The following ING2 variants were observed in gnomAD, a reference collection of about 807,000 sequenced individuals.
ING2 encodes inhibitor of growth protein 2.
Under a neutral mutation model 30.6 loss-of-function variants are expected in ING2, and 7 were observed. That is an observed-to-expected ratio of 0.23 (90% CI 0.13 to 0.43). The LOEUF is 0.43. Ranked by LOEUF, ING2 falls within the 20% of genes least tolerant of loss-of-function variation. ING2 has a pLI of 1.00. For synonymous variants in ING2, 136 were observed against 121.7 expected (o/e 1.12, Z -0.78); for missense variants, 239 against 334.9 (o/e 0.71, Z 2.24).
chr4:183,506,492 T>TA (rs1381301265), intron 1 of ING2, among the ~76,000 whole-genome samples: 6 of 152,150 alleles, frequency 3.9e-5, no homozygotes, highest in Admixed American at 3.9e-4. Context: ...CTTACAGTGT[T>TA]ACCACCTACT....
chr4:183,510,308 T>C lies in ING2; in HGVS notation c.199T>C (p.Tyr67His). 1 of 1,589,492 alleles carries C rather than the reference T, an allele frequency of 6.3e-7. No individual in the cohort carries two copies. The highest frequency in any genetic ancestry group is 8.5e-7 in the Non-Finnish European group (1 of 1,171,970). ...AACGTTAAAGGAAATTGATGATGTC[T>C]ACGAAAAATATAAGAAAGAAGATGA... ...QETLKEIDDV[Y>H]EKYKKEDDLN... The change falls in exon 2 of 2, where the codon TAC becomes CAC. Residue 67 changes from tyrosine (Y) to histidine (H), a missense_variant. Physicochemically the swap from Tyr to His is moderately conservative, Grantham distance 83 (BLOSUM62 2). This residue lies in a region of ING2 where 80 missense variants were observed against 102.4 expected (regional missense o/e 0.78). Coordinates refer to ENST00000302327, the MANE Select transcript of ING2 (RefSeq NM_001564.4).
chr4:183,507,666 C>T (rs1734707905), intron 1 of ING2, among the ~76,000 whole-genome samples: 1 of 152,172 alleles, frequency 6.6e-6, no homozygotes, highest in African/African-American at 2.4e-5. Context: ...GGTTACTGAG[C>T]TCAACTTTCA....
intron 1 of ING2, 139 bp downstream of exon 1, chr4:183,505,506 C>G: frequency 1.1e-6 from 1 of 870,244 alleles, no homozygotes; most frequent in Non-Finnish European, 1.7e-6. Flanking sequence ...GACTGGAGAC[C>G]GGGTTGGCGG....
At position 183,510,599 on chromosome 4, in the gene ING2, T is replaced by C; in HGVS notation, c.490T>C (p.Cys164Arg). 6.2e-7 allele frequency: 1 copy of C among 1,614,090 alleles called. No homozygotes were observed. The highest frequency in any genetic ancestry group is 8.5e-7 in the Non-Finnish European group (1 of 1,180,024). Residue 164 changes from cysteine to arginine, a missense_variant, in exon 2 of 2, where the codon TGT becomes CGT. By Grantham distance (180) the Cys-to-Arg change is radical. Around this residue, in one of 5 missense-constraint regions of ING2, gnomAD observed 115 missense variants for 120.1 expected, o/e 0.96. Transcript: ENST00000302327. ...GCGGACCAGTGAAAGCCGTGATTTA[T>C]GTCACATGGCAAATGGGATTGAAGA... Reference protein sequence around the residue: ...RQRTSESRDLCHMANGIEDCD... With the variant: ...RQRTSESRDLRHMANGIEDCD...
chr4:183,505,624 A>C (rs902993576), intron 1 of ING2, among the ~76,000 whole-genome samples: 2 of 151,944 alleles, frequency 1.3e-5, no homozygotes, highest in Non-Finnish European at 2.9e-5. Context: ...GCTGCCGCTG[A>C]GGGGAATCAG....
chr4:183,510,559 A>G lies in ING2; in HGVS notation c.450A>G (p.Arg150=), dbSNP rs141440180. 5 of 1,613,992 alleles carry G rather than the reference A, an allele frequency of 3.1e-6. No homozygotes were observed. In the African/African-American group the frequency reaches 6.7e-5, roughly 22 times the overall value. The change falls in exon 2 of 2, where the codon AGA becomes AGG. Residue 150 remains arginine, a synonymous_variant. Coordinates refer to ENST00000302327, the MANE Select transcript of ING2 (RefSeq NM_001564.4). ...CCAGCCAACCAGAAAGATCTTCAAG[A>G]AGACCCCGCAGGCAGCGGACCAGTG... ...MDSSQPERSS[R]RPRRQRTSES... is the part of the protein sequence containing the mutation.
intron 1 of ING2, among the ~76,000 whole-genome samples, chr4:183,509,845 G>A (rs1382460481): frequency 6.7e-6 from 1 of 149,812 alleles, no homozygotes; most frequent in East Asian, 2.0e-4. Context: ...GCAGTTCTCT[G>A]CCTCAGCCTC....
chr4:183,506,639 C>T (rs1289359248), intron 1 of ING2, among the ~76,000 whole-genome samples: 1 of 152,222 alleles, frequency 6.6e-6, no homozygotes, highest in Non-Finnish European at 1.5e-5. Context: ...GACCCATTCT[C>T]TGTTTTTGTA....
At chr4:183,509,695 A>G (rs1734768491) in intron 1 of ING2, among the ~76,000 whole-genome samples, 1 of 148,592 alleles carries the variant, frequency 6.7e-6, no homozygotes, top group African/African-American at 2.5e-5. Flanking sequence ...TCGGCCTCCC[A>G]AAGTGCTGGG....
Position 183,505,094 on chromosome 4 carries a change from C to T in ING2, c.-102C>T. ...TGCCCTCTCGAGCGGCTGCGGGGTC[C>T]CCGCGGCGCCGGGCTGCTGAGCTGA... is the stretch of plus-strand genomic sequence containing the variant. On this transcript the variant is annotated 5_prime_UTR_variant, in exon 1 of 2. Coordinates refer to ENST00000302327, the MANE Select transcript of ING2 (RefSeq NM_001564.4). The T allele has an allele frequency of 2.5e-6, 3 of 1,184,282 alleles. No individual in the cohort carries two copies. The highest frequency in any genetic ancestry group is 3.2e-6 in the Non-Finnish European group (3 of 925,142). The allele number at this position is 1,184,282 out of a possible 1,614,324, so 73.4% of individuals were successfully genotyped here.
Position 183,511,204 on chromosome 4 carries a change from T to C in ING2, c.*252T>C. On this transcript the variant is annotated 3_prime_UTR_variant, in exon 2 of 2. Coordinates refer to ENST00000302327, the MANE Select transcript of ING2 (RefSeq NM_001564.4). ...AACAGGAAGAGGGTGGTGTAAACAT[T>C]ATAAAAATTTCACAAACCATGCCTA... 1.0e-5 allele frequency: 3 copies of C among 286,958 alleles called. No individual in the cohort carries two copies. The highest frequency in any genetic ancestry group is 1.0e-3 in the Middle Eastern group (1 of 984). The allele number at this position is 286,958 out of a possible 1,614,324, so 17.8% of individuals were successfully genotyped here.
At chr4:183,507,410 G>C (rs906938139) in intron 1 of ING2, among the ~76,000 whole-genome samples, 1 of 152,312 alleles carries the variant, frequency 6.6e-6, no homozygotes, top group East Asian at 1.9e-4. Flanking sequence ...AAGCTTGCAG[G>C]TTTTTACATT....
Position 183,511,059 on chromosome 4 carries a change from A to G in ING2, c.*107A>G. On this transcript the variant is annotated 3_prime_UTR_variant, in exon 2 of 2. Transcript: ENST00000302327. ...TAAGACTATGCAATAATTTTTAATCATTAGTATTAATGGTGTATTAAAAGT... is the reference window on the plus strand; with the variant it reads ...TAAGACTATGCAATAATTTTTAATCGTTAGTATTAATGGTGTATTAAAAGT... 2 of 854,474 alleles carry G rather than the reference A, an allele frequency of 2.3e-6. No homozygotes were observed. Among genetic ancestry groups the G allele is most frequent in the African/African-American group, 1.7e-5 (1 of 58,552 alleles). The allele number at this position is 854,474 out of a possible 1,614,324, so 52.9% of individuals were successfully genotyped here.
chr4:183,506,178 G>T (rs1734641603), intron 1 of ING2: 1 of 1,295,788 alleles, frequency 7.7e-7, no homozygotes, highest in African/African-American at 1.5e-5. Flanking sequence ...AGTCGGGGCT[G>T]TGCGGGGGCG....
chr4:183,507,279 T>G (rs1259838097), intron 1 of ING2, among the ~76,000 whole-genome samples: 1 of 152,174 alleles, frequency 6.6e-6, no homozygotes, highest in Non-Finnish European at 1.5e-5. Context: ...TTTTGTATTT[T>G]TAGTAGAGAC....
intron 1 of ING2, chr4:183,506,406 C>T (rs897898648): frequency 9.6e-5 from 90 of 940,636 alleles, no homozygotes; most frequent in Non-Finnish European, 1.2e-4. Context: ...CGAGCCCCTC[C>T]TTCTCCGACT....
chr4:183,505,759 C>T (rs1281704331), intron 1 of ING2, among the ~76,000 whole-genome samples: 2 of 152,076 alleles, frequency 1.3e-5, no homozygotes, highest in African/African-American at 4.8e-5. Flanking sequence ...TCCCGCTGGT[C>T]TGCGGGGCGC....
Position 183,510,832 on chromosome 4 carries a change from A to T in ING2, c.723A>T (p.Ser241=). ...GTCCAATTGAATGGTTTCACTTTTCATGTGTTTCACTTACCTATAAACCAA... is the reference window on the plus strand; with the variant it reads ...GTCCAATTGAATGGTTTCACTTTTCTTGTGTTTCACTTACCTATAAACCAA... ...EQCPIEWFHF[S]CVSLTYKPKG... The change falls in exon 2 of 2, where the codon TCA becomes TCT. Residue 241 remains serine, a synonymous_variant. Transcript: ENST00000302327. 1 of 1,614,220 alleles carries T rather than the reference A, an allele frequency of 6.2e-7. No individual in the cohort carries two copies. The highest frequency in any genetic ancestry group is 8.5e-7 in the Non-Finnish European group (1 of 1,180,036).
chr4:183,512,297 C>A lies in ING2; in HGVS notation c.*1345C>A, dbSNP rs1317905403. Among the ~76,000 whole-genome samples the A allele has an allele frequency of 6.6e-6, 1 of 151,986 alleles. No homozygotes were observed. The highest frequency in any genetic ancestry group is 1.5e-5 in the Non-Finnish European group (1 of 68,014). On this transcript the variant is annotated 3_prime_UTR_variant, in exon 2 of 2. Coordinates refer to ENST00000302327, the MANE Select transcript of ING2 (RefSeq NM_001564.4). ...TCTCCTGTGTGACTTTTAGGCATGT[C>A]ATTTCACCTTGTCTGGGTGTCAGGT...
Sources: gnomAD v4.1 joint callset for allele counts (sites outside exome capture counted in the v4.1 genomes callset) on GRCh38, gnomAD v4.1.1 for gene constraint, gnomAD v4.1.1 regional missense constraint, MANE v1.5 for transcripts, NCBI Gene and HGNC (gene_info 2026-07-23, HGNC 2026-07-21) for gene names.